Variants in PRKG1 observed in about 807,000 individuals in gnomAD.
PRKG1 encodes the protein cGMP-dependent protein kinase 1.
PRKG1 carries 35 observed loss-of-function variants against 88.1 expected under a neutral mutation model. The ratio of observed to expected loss-of-function variants is 0.40; its 90% confidence interval spans 0.30 to 0.53. The LOEUF (loss-of-function observed/expected upper bound fraction) is 0.53, where lower values mean the gene tolerates loss of function less well. Ranked by LOEUF, PRKG1 falls within the 20% of genes least tolerant of loss-of-function variation. PRKG1 has a pLI of 0.59. For missense variants in PRKG1, 540 were observed against 839.8 expected, an observed-to-expected ratio of 0.64 and a Z score of 4.41; for synonymous variants, 303 against 292.5, an observed-to-expected ratio of 1.04 and a Z score of -0.37.
intron 3 of PRKG1, among the ~76,000 whole-genome samples, chr10:51,540,866 G>T (rs556307235): frequency 6.6e-6 from 1 of 151,952 alleles, no homozygotes; most frequent in Non-Finnish European, 1.5e-5. Flanking sequence ...TTACAGGTGC[G>T]TGCCACCACT....
chr10:51,154,707 C>T (rs1233152575), intron 2 of PRKG1, among the ~76,000 whole-genome samples: 1 of 151,624 alleles, frequency 6.6e-6, no homozygotes, highest in Non-Finnish European at 1.5e-5. Flanking sequence ...TAGTTTTCAC[C>T]TTCTATGTCA....
chr10:52,244,695 AT>A (rs1170690328), intron 9 of PRKG1, among the ~76,000 whole-genome samples: 1 of 128,660 alleles, frequency 7.8e-6, no homozygotes, highest in Non-Finnish European at 1.6e-5. Context: ...TAAATAATAT[AT>A]TAATAATTAA....
chr10:52,162,094 C>A (rs1252667570), intron 9 of PRKG1, 131 bp downstream of exon 9: 1 of 726,830 alleles, frequency 1.4e-6, no homozygotes, highest in South Asian at 1.8e-5. Flanking sequence ...GACAAAGAAG[C>A]AAACTCTTCA....
At chr10:51,272,032 G>C (rs545422856) in intron 2 of PRKG1, among the ~76,000 whole-genome samples, 58 of 152,178 alleles carry the variant, frequency 3.8e-4, no homozygotes, top group African/African-American at 1.4e-3. Flanking sequence ...ACACTCCCAC[G>C]AACAGTGTAA....
Position 51,129,604 on chromosome 10 carries a change from C to T in PRKG1, c.312-23560C>T, listed in dbSNP as rs565448194. Among the ~76,000 whole-genome samples the T allele has an allele frequency of 4.4e-4, 67 of 152,288 alleles. No individual in the cohort carries two copies. In the Middle Eastern group the frequency reaches 0.01, roughly 23 times the overall value. On this transcript the variant is annotated intron_variant, in intron 1 of 17. Transcript: ENST00000373980. ...TAGAGTCAAGTGAGACAGTTAGACA[C>T]ATCCCCAAGGAAAGAGCTTCATTAA...
At chr10:51,867,942 A>G (rs139469019) in intron 4 of PRKG1, among the ~76,000 whole-genome samples, 142 of 152,314 alleles carry the variant, frequency 9.3e-4, no homozygotes, top group Middle Eastern at 3.4e-3. Flanking sequence ...TTTCATTTGT[A>G]TCTTACCCTT....
At chr10:51,192,247 T>TATTTGCC (rs1217444810) in intron 2 of PRKG1, among the ~76,000 whole-genome samples, 2 of 151,952 alleles carry the variant, frequency 1.3e-5, no homozygotes, top group African/African-American at 4.8e-5. Flanking sequence ...TCATCAGCTT[T>TATTTGCC]ATTTGCCATT....
chr10:51,115,705 C>T (rs548904659), intron 1 of PRKG1, among the ~76,000 whole-genome samples: 9 of 151,678 alleles, frequency 5.9e-5, no homozygotes, highest in South Asian at 4.2e-4. Context: ...AGCGTGGTGA[C>T]GCGCACCTGT....
At chr10:51,312,414 G>A (rs1841212189) in intron 2 of PRKG1, among the ~76,000 whole-genome samples, 1 of 152,150 alleles carries the variant, frequency 6.6e-6, no homozygotes, top group African/African-American at 2.4e-5. Flanking sequence ...ACTGCGCTAT[G>A]ACAAACAGCC....
intron 4 of PRKG1, among the ~76,000 whole-genome samples, chr10:51,861,212 C>T (rs1048267821): frequency 1.3e-5 from 2 of 152,122 alleles, no homozygotes; most frequent in African/African-American, 4.8e-5. Flanking sequence ...AAACAAAGAC[C>T]GCTGTCTAAG....
At chr10:51,892,472 T>A (rs114879549) in intron 4 of PRKG1, among the ~76,000 whole-genome samples, 1 of 152,088 alleles carries the variant, frequency 6.6e-6, no homozygotes, top group African/African-American at 2.4e-5. Flanking sequence ...CAGAAGCACT[T>A]TAAACAGATG....
chr10:52,005,221 C>T (rs75702795), intron 5 of PRKG1, among the ~76,000 whole-genome samples: 2 of 146,256 alleles, frequency 1.4e-5, no homozygotes, highest in African/African-American at 2.5e-5. Flanking sequence ...AGCAATGTGG[C>T]TTATGGATGA....
chr10:52,291,212 C>T (rs912517411), intron 17 of PRKG1, among the ~76,000 whole-genome samples: 58 of 151,534 alleles, frequency 3.8e-4, no homozygotes, highest in Non-Finnish European at 6.8e-4. Context: ...GTGAGCACCG[C>T]GCTGGGCCTA....
chr10:51,607,394 A>G (rs1048929457), intron 3 of PRKG1, among the ~76,000 whole-genome samples: 1 of 152,200 alleles, frequency 6.6e-6, no homozygotes, highest in African/African-American at 2.4e-5. Context: ...GCTACATATA[A>G]AACGAGGGAA....
At chr10:51,178,300 C>G (rs1281727677) in intron 2 of PRKG1, among the ~76,000 whole-genome samples, 1 of 152,062 alleles carries the variant, frequency 6.6e-6, no homozygotes. Flanking sequence ...AGGAACAATG[C>G]AATTGACTAC....
intron 5 of PRKG1, among the ~76,000 whole-genome samples, chr10:51,925,278 C>T (rs966495369): frequency 6.6e-6 from 1 of 151,708 alleles, no homozygotes; most frequent in African/African-American, 2.4e-5. Context: ...CTAAAATTCC[C>T]TCTGGTGTCC....
chr10:51,261,543 A>C (rs2056612423), intron 2 of PRKG1, among the ~76,000 whole-genome samples: 1 of 152,224 alleles, frequency 6.6e-6, no homozygotes, highest in Non-Finnish European at 1.5e-5. Flanking sequence ...TTCCAGGCAC[A>C]TGTCTATTTT....
chr10:51,494,129 T>C (rs1273601397), intron 3 of PRKG1, among the ~76,000 whole-genome samples: 1 of 152,152 alleles, frequency 6.6e-6, no homozygotes, highest in Non-Finnish European at 1.5e-5. Context: ...GGCAGAATCA[T>C]AGCTCACTGC....
At chr10:52,102,959 A>G (rs1847330841) in intron 7 of PRKG1, among the ~76,000 whole-genome samples, 1 of 152,198 alleles carries the variant, frequency 6.6e-6, no homozygotes, top group Non-Finnish European at 1.5e-5. Context: ...GAACCAGACC[A>G]CACAGCAGGA....
Sources: gnomAD v4.1 joint callset for allele counts (sites outside exome capture counted in the v4.1 genomes callset) on GRCh38, gnomAD v4.1.1 for gene constraint, MANE v1.5 for transcripts, NCBI Gene and HGNC (gene_info 2026-07-23, HGNC 2026-07-21) for gene names.